The following FHIT variants were observed in gnomAD, a reference collection of about 807,000 sequenced individuals.
FHIT encodes bis(5'-adenosyl)-triphosphatase.
FHIT carries 19 observed loss-of-function variants against 17.9 expected under a neutral mutation model. The ratio of observed to expected loss-of-function variants is 1.06; its 90% confidence interval spans 0.74 to 1.56. The LOEUF (loss-of-function observed/expected upper bound fraction) is 1.56. Ranked by LOEUF, FHIT falls within the 40% of genes most tolerant of loss-of-function variation. The probability of loss-of-function intolerance (pLI) is 0.00; values close to 1 mark genes in which losing one functional copy is unlikely to be tolerated. For synonymous variants in FHIT, 81 were observed against 69.7 expected (o/e 1.16, Z -0.81); for missense variants, 248 against 189.2 (o/e 1.31, Z -1.82).
chr3:60,815,743 AAT>A (rs1282412878), intron 4 of FHIT, among the ~76,000 whole-genome samples: 2 of 152,042 alleles, frequency 1.3e-5, no homozygotes, highest in East Asian at 3.9e-4. Flanking sequence ...TGTACTTTAT[AAT>A]AGTTTTTTCC....
chr3:60,169,175 T>G (rs1247668424), intron 5 of FHIT, among the ~76,000 whole-genome samples: 1 of 152,128 alleles, frequency 6.6e-6, no homozygotes, highest in Non-Finnish European at 1.5e-5. Flanking sequence ...TGCCAATACG[T>G]CAATCCACGT....
intron 2 of FHIT, among the ~76,000 whole-genome samples, chr3:61,144,217 A>G (rs1160610854): frequency 2.6e-5 from 4 of 152,204 alleles, no homozygotes; most frequent in Non-Finnish European, 4.4e-5. Context: ...CTACCCCTGC[A>G]GCCCTATTAA....
intron 8 of FHIT, among the ~76,000 whole-genome samples, chr3:59,818,855 T>C (rs1575545356): frequency 6.6e-6 from 1 of 152,176 alleles, no homozygotes; most frequent in East Asian, 1.9e-4. Flanking sequence ...CAGAAATGCT[T>C]TCCTTCCCAG....
In FHIT at chr3:60,734,580, G is replaced by T. The variant is rs183490423; in HGVS notation, c.-18+87339C>A. On this transcript the variant is annotated intron_variant, in intron 4 of 9. Coordinates refer to ENST00000492590, the MANE Select transcript of FHIT (RefSeq NM_002012.4). The stretch of plus-strand genomic sequence containing the variant: ...ACCGGCATCCCGCCATGTTACCAAG[G>T]TCTCAAACTTCTGAGCTCAAGCAAT... Among the ~76,000 whole-genome samples, 87 of 152,252 alleles carry T rather than the reference G, an allele frequency of 5.7e-4. 1 individual carries two copies. Among genetic ancestry groups the T allele is most frequent in the Admixed American group, 3.1e-3 (48 of 15,298 alleles).
intron 5 of FHIT, among the ~76,000 whole-genome samples, chr3:60,320,195 C>G (rs916070857): frequency 3.3e-5 from 5 of 152,144 alleles, no homozygotes; most frequent in African/African-American, 9.7e-5. Flanking sequence ...AAAACAATTA[C>G]AACGTTAAGC....
chr3:60,304,150 C>T (rs1346063615), intron 5 of FHIT, among the ~76,000 whole-genome samples: 1 of 152,116 alleles, frequency 6.6e-6, no homozygotes, highest in African/African-American at 2.4e-5. Flanking sequence ...TTAAGTATCC[C>T]TTTGAAAAGC....
intron 5 of FHIT, among the ~76,000 whole-genome samples, chr3:60,296,059 C>G (rs1379183256): frequency 1.3e-5 from 2 of 152,116 alleles, no homozygotes; most frequent in Non-Finnish European, 2.9e-5. Context: ...TTCTTTCTCA[C>G]CTCCTTTCAT....
chr3:60,082,175 G>T (rs1020002716), intron 5 of FHIT, among the ~76,000 whole-genome samples: 1 of 151,886 alleles, frequency 6.6e-6, no homozygotes, highest in African/African-American at 2.4e-5. Flanking sequence ...ATGTCCATGT[G>T]TACCATGTTT....
chr3:59,841,044 T>C (rs1340854953), intron 8 of FHIT, among the ~76,000 whole-genome samples: 2 of 152,206 alleles, frequency 1.3e-5, no homozygotes, highest in Non-Finnish European at 2.9e-5. Flanking sequence ...AGAGTTGGTT[T>C]AATTTTCGCC....
At chr3:59,819,054 G>T (rs17061231) in intron 8 of FHIT, among the ~76,000 whole-genome samples, 1 of 152,196 alleles carries the variant, frequency 6.6e-6, no homozygotes, top group Non-Finnish European at 1.5e-5. Context: ...CTGTTGACTT[G>T]AAGTGGTGTA....
chr3:60,154,050 C>A (rs760345236), intron 5 of FHIT, among the ~76,000 whole-genome samples: 3 of 152,154 alleles, frequency 2.0e-5, no homozygotes, highest in Non-Finnish European at 4.4e-5. Flanking sequence ...AACGAAGGCA[C>A]CTTCTTTGTT....
chr3:60,113,517 C>T (rs1245376705), intron 5 of FHIT, among the ~76,000 whole-genome samples: 1 of 151,696 alleles, frequency 6.6e-6, no homozygotes. Context: ...AGTCACTGTA[C>T]CCTACTATTA....
intron 5 of FHIT, among the ~76,000 whole-genome samples, chr3:60,198,328 T>C (rs1202501022): frequency 6.6e-6 from 1 of 152,194 alleles, no homozygotes; most frequent in Non-Finnish European, 1.5e-5. Context: ...GAATTCCTAA[T>C]ACAAAGCAGT....
At chr3:59,944,300 T>C (rs1317602778) in intron 7 of FHIT, among the ~76,000 whole-genome samples, 1 of 152,160 alleles carries the variant, frequency 6.6e-6, no homozygotes, top group Admixed American at 6.5e-5. Context: ...CATGTGGAGA[T>C]TGGTATAACT....
intron 7 of FHIT, among the ~76,000 whole-genome samples, chr3:59,938,994 G>A (rs1379538037): frequency 6.6e-6 from 1 of 152,178 alleles, no homozygotes; most frequent in Non-Finnish European, 1.5e-5. Context: ...CAGGGAGCCA[G>A]AGAGATTTAT....
chr3:60,461,812 C>T (rs413761), intron 5 of FHIT, among the ~76,000 whole-genome samples: 3 of 152,152 alleles, frequency 2.0e-5, no homozygotes, highest in Admixed American at 6.5e-5. Flanking sequence ...ACAAGCCATG[C>T]TCTTTCCTAA....
At chr3:60,598,160 C>G (rs2038330417) in intron 4 of FHIT, among the ~76,000 whole-genome samples, 1 of 152,074 alleles carries the variant, frequency 6.6e-6, no homozygotes, top group African/African-American at 2.4e-5. Flanking sequence ...AGCACATAGG[C>G]AACTTAATAT....
intron 1 of FHIT, among the ~76,000 whole-genome samples, chr3:61,214,048 A>G (rs981712241): frequency 1.3e-5 from 2 of 152,362 alleles, no homozygotes; most frequent in East Asian, 3.9e-4. Flanking sequence ...CCCACAAAAG[A>G]AAGCAGGAAA....
intron 2 of FHIT, among the ~76,000 whole-genome samples, chr3:61,090,633 T>C (rs1337632452): frequency 2.0e-5 from 3 of 152,118 alleles, no homozygotes; most frequent in African/African-American, 7.2e-5. Flanking sequence ...AAAGTACATA[T>C]GCATGTGTGG....
Sources: allele counts gnomAD v4.1 joint callset (sites outside exome capture counted in the v4.1 genomes callset), GRCh38; gene constraint gnomAD v4.1.1; transcripts MANE v1.5; gene names NCBI Gene and HGNC (gene_info 2026-07-23, HGNC 2026-07-21).